The following LRP1B variants were observed in gnomAD, a reference collection of about 807,000 sequenced individuals.
The protein encoded by LRP1B is low-density lipoprotein receptor-related protein 1B.
A neutral mutation model predicts 556.6 loss-of-function variants in LRP1B; 217 were observed. The observed-to-expected ratio is 0.39, with a 90% CI of 0.35 to 0.44. LRP1B has a LOEUF of 0.44. Ranked by LOEUF, LRP1B falls within the 20% of genes least tolerant of loss-of-function variation. The pLI is 1.00. For synonymous variants in LRP1B, 2,047 were observed against 1,865.8 expected (o/e 1.10, Z -2.50); for missense variants, 5,053 against 5,620.8 (o/e 0.90, Z 3.23).
At chr2:141,847,343 C>G (rs185399954) in intron 1 of LRP1B, among the ~76,000 whole-genome samples, 7 of 151,558 alleles carry the variant, frequency 4.6e-5, no homozygotes, top group Admixed American at 4.6e-4. Flanking sequence ...GATGATATGG[C>G]TACATACTGT....
chr2:141,116,950 T>C (rs530224901), intron 7 of LRP1B, among the ~76,000 whole-genome samples: 5 of 152,138 alleles, frequency 3.3e-5, no homozygotes, highest in Non-Finnish European at 5.9e-5. Context: ...TGACCACTTG[T>C]ATAACTTTGT....
At chr2:140,761,424 G>A (rs1688917559) in intron 35 of LRP1B, among the ~76,000 whole-genome samples, 1 of 152,114 alleles carries the variant, frequency 6.6e-6, no homozygotes. Context: ...TTCTCTGAGG[G>A]GAGGATGCAT....
At chr2:140,408,708 A>C (rs534773688) in intron 66 of LRP1B, among the ~76,000 whole-genome samples, 2 of 151,960 alleles carry the variant, frequency 1.3e-5, no homozygotes, top group African/African-American at 4.8e-5. Context: ...TAATTCAAAA[A>C]CATGGTTGCC....
chr2:142,097,471 A>C (rs1479358974), intron 1 of LRP1B, among the ~76,000 whole-genome samples: 1 of 151,722 alleles, frequency 6.6e-6, no homozygotes, highest in African/African-American at 2.4e-5. Context: ...ATAGCAATTA[A>C]ATTTTTTAGC....
intron 33 of LRP1B, 51 bp from the exon 34 acceptor site, chr2:140,771,057 TAA>T (rs1208806944): frequency 7.1e-7 from 1 of 1,403,228 alleles, no homozygotes; most frequent in African/African-American, 1.5e-5. Context: ...TTTTAAAAAA[TAA>T]AGTTTTATTT....
At chr2:141,577,956 A>T (rs925412320) in intron 2 of LRP1B, among the ~76,000 whole-genome samples, 1 of 152,208 alleles carries the variant, frequency 6.6e-6, no homozygotes, top group African/African-American at 2.4e-5. Flanking sequence ...TTCAAAGAAT[A>T]TTCCACAGAG....
chr2:140,233,536 A>G (rs915596260), intron 90 of LRP1B, among the ~76,000 whole-genome samples: 3 of 151,216 alleles, frequency 2.0e-5, no homozygotes, highest in Admixed American at 1.3e-4. Flanking sequence ...ATAATTTTAC[A>G]TTTTGCAAGT....
intron 2 of LRP1B, among the ~76,000 whole-genome samples, chr2:141,693,564 G>A (rs548517882): frequency 6.6e-6 from 1 of 151,880 alleles, no homozygotes; most frequent in Non-Finnish European, 1.5e-5. Context: ...GTATTTCAGT[G>A]GAATGTAGAT....
rs576188097 is a variant in LRP1B, at chr2:142,122,528, T to C, written c.82+8120A>G. ...GTGCTGTTGTATTACAGGACATCAA[T>C]ATAGTGCTCCTGAACTGCTAGTCTT... is the stretch of plus-strand genomic sequence containing the variant. On this transcript the variant is annotated intron_variant, in intron 1 of 90. Coordinates refer to ENST00000389484, the MANE Select transcript of LRP1B (RefSeq NM_018557.3). Among the ~76,000 whole-genome samples, 17 of 152,250 alleles carry C rather than the reference T, an allele frequency of 1.1e-4. No individual in the cohort carries two copies. The South Asian group carries it at 1.9e-3, about 17-fold the overall frequency.
chr2:140,234,909 T>C (rs762426142), intron 89 of LRP1B, 25 bp from the exon 90 acceptor site: 1 of 755,726 alleles, frequency 1.3e-6, no homozygotes, highest in Non-Finnish European at 2.4e-6. Context: ...AAAATTTTAG[T>C]TTCTGATCTA....
intron 21 of LRP1B, among the ~76,000 whole-genome samples, chr2:140,909,758 C>G (rs879635371): frequency 7.3e-5 from 11 of 150,734 alleles, no homozygotes; most frequent in Non-Finnish European, 1.2e-4. Context: ...ATTACATAAA[C>G]TAAGAATTCA....
At chr2:141,531,830 T>G (rs1357545517) in intron 2 of LRP1B, among the ~76,000 whole-genome samples, 1 of 148,804 alleles carries the variant, frequency 6.7e-6, no homozygotes, top group African/African-American at 2.4e-5. Flanking sequence ...GTCAAAATTT[T>G]TTGTAGGGGC....
At chr2:141,726,052 T>A (rs1225647119) in intron 2 of LRP1B, among the ~76,000 whole-genome samples, 1 of 151,516 alleles carries the variant, frequency 6.6e-6, no homozygotes, top group Non-Finnish European at 1.5e-5. Flanking sequence ...TTATAAAAAA[T>A]GTGATTTTTT....
intron 1 of LRP1B, among the ~76,000 whole-genome samples, chr2:141,919,779 GA>G (rs1700133753): frequency 6.6e-6 from 1 of 151,966 alleles, no homozygotes; most frequent in African/African-American, 2.4e-5. Context: ...AATACCTTTT[GA>G]CACCTTATGA....
At chr2:141,239,644 A>G (rs980699259) in intron 5 of LRP1B, among the ~76,000 whole-genome samples, 2 of 152,116 alleles carry the variant, frequency 1.3e-5, no homozygotes, top group Non-Finnish European at 2.9e-5. Flanking sequence ...TCTAATTCAA[A>G]TAAGAGGAAG....
At chr2:141,636,569 T>C (rs1689115076) in intron 2 of LRP1B, among the ~76,000 whole-genome samples, 1 of 152,246 alleles carries the variant, frequency 6.6e-6, no homozygotes, top group East Asian at 1.9e-4. Context: ...GGCACAGTAA[T>C]TCTAACTGTA....
At chr2:140,751,644 C>T (rs536866558) in intron 35 of LRP1B, among the ~76,000 whole-genome samples, 18 of 152,304 alleles carry the variant, frequency 1.2e-4, no homozygotes, top group African/African-American at 4.3e-4. Context: ...CAATTCTCCT[C>T]TAAATTATTT....
At chr2:141,109,408 A>C (rs1700692721) in intron 7 of LRP1B, among the ~76,000 whole-genome samples, 2 of 152,092 alleles carry the variant, frequency 1.3e-5, no homozygotes, top group Admixed American at 6.5e-5. Flanking sequence ...ACACTTCCCC[A>C]GTCTTTTAAA....
At chr2:141,291,921 G>A (rs1238312110) in intron 3 of LRP1B, among the ~76,000 whole-genome samples, 1 of 127,074 alleles carries the variant, frequency 7.9e-6, no homozygotes, top group East Asian at 2.1e-4. Flanking sequence ...TTGACTTATT[G>A]TAAAAAGATC....
Sources: allele counts gnomAD v4.1 joint callset (sites outside exome capture counted in the v4.1 genomes callset), GRCh38; gene constraint gnomAD v4.1.1; transcripts MANE v1.5; gene names NCBI Gene and HGNC (gene_info 2026-07-23, HGNC 2026-07-21).